The following PRKCZ variants were observed in gnomAD, a reference collection of about 807,000 sequenced individuals.
PRKCZ encodes the protein protein kinase C zeta type.
PRKCZ carries 33 observed loss-of-function variants against 79.5 expected under a neutral mutation model. The ratio of observed to expected loss-of-function variants is 0.41; its 90% CI spans 0.31 to 0.55. The LOEUF is 0.55. Ranked by LOEUF, PRKCZ falls within the 20% of genes least tolerant of loss-of-function variation. PRKCZ has a pLI of 0.19. For missense variants in PRKCZ, 578 were observed against 813.5 expected, an observed-to-expected ratio of 0.71 and a Z score of 3.52; for synonymous variants, 342 against 320.9, an observed-to-expected ratio of 1.07 and a Z score of -0.70.
At chr1:2,181,515 C>T (rs539716674) in intron 16 of PRKCZ, among the ~76,000 whole-genome samples, 22 of 152,196 alleles carry the variant, frequency 1.4e-4, no homozygotes, top group African/African-American at 3.6e-4. Flanking sequence ...CAGGGGGCGG[C>T]GGTGGGAAAA....
At chr1:2,161,873 C>G (rs773354010) in intron 10 of PRKCZ, among the ~76,000 whole-genome samples, 1 of 152,002 alleles carries the variant, frequency 6.6e-6, no homozygotes, top group Admixed American at 6.6e-5. Context: ...AAGGAACTTT[C>G]AGGACCGGTC....
At chr1:2,073,576 C>G (rs1259816765) in intron 4 of PRKCZ, 17 of 974,864 alleles carry the variant, frequency 1.7e-5, no homozygotes, top group Non-Finnish European at 2.1e-5. Context: ...CGCCCGCTCT[C>G]TGGACTGTGC....
At chr1:2,144,080 A>G in intron 5 of PRKCZ, 130 bp from the exon 6 acceptor site, 3 of 1,328,216 alleles carry the variant, frequency 2.3e-6, no homozygotes, top group Non-Finnish European at 3.0e-6. Context: ...GGAAGGGACA[A>G]GGTGCCGGGG....
intron 10 of PRKCZ, among the ~76,000 whole-genome samples, chr1:2,163,735 A>C (rs1011224100): frequency 1.6e-5 from 1 of 60,892 alleles, no homozygotes; most frequent in East Asian, 3.8e-4. Flanking sequence ...CTAAAAATAC[A>C]AAAAAAAAAA....
intron 5 of PRKCZ, chr1:2,143,932 T>A: frequency 2.7e-6 from 1 of 364,376 alleles, no homozygotes. Context: ...CAGCACCTCG[T>A]CACCCCTGCC....
At chr1:2,070,417 A>G (rs2803303) in intron 4 of PRKCZ, among the ~76,000 whole-genome samples, 76,251 of 152,028 alleles carry the variant, frequency 0.5, 23,673 homozygotes, top group East Asian at 0.95. Context: ...GTCTGGTGGG[A>G]CCCCTGGGGT....
intron 4 of PRKCZ, among the ~76,000 whole-genome samples, chr1:2,116,528 C>T (rs1203913036): frequency 6.6e-6 from 1 of 152,148 alleles, no homozygotes; most frequent in East Asian, 1.9e-4. Flanking sequence ...GGCTCGCCTT[C>T]CACTCCATGG....
chr1:2,131,835 A>G lies in PRKCZ; in HGVS notation c.335-3427A>G, dbSNP rs71630962. ...ACAAGATGTTGTTTTTGTTTTTGAG[A>G]GAGTCTCGCTCTGTCGCCCAGGCTG... On this transcript the variant is annotated intron_variant, in intron 4 of 17. Coordinates refer to ENST00000378567, the MANE Select transcript of PRKCZ (RefSeq NM_002744.6). Among the ~76,000 whole-genome samples, 684 of 152,316 alleles carry G rather than the reference A, an allele frequency of 4.5e-3. 3 individuals are homozygous for G. The highest frequency in any genetic ancestry group is 0.017 in the South Asian group (80 of 4,828).
Position 2,116,675 on chromosome 1 carries a change from C to T in PRKCZ, c.335-18587C>T, listed in dbSNP as rs753144415. On this transcript the variant is annotated intron_variant, in intron 4 of 17. Coordinates refer to ENST00000378567, the MANE Select transcript of PRKCZ (RefSeq NM_002744.6). ...CCCCCATGTCGTACTGTTCTGATTT[C>T]TTCTGCTTTATAATCACCATTGGTA... is the stretch of plus-strand genomic sequence containing the variant. 2.6e-5 allele frequency among the ~76,000 whole-genome samples: 4 copies of T among 152,254 alleles called. No homozygotes were observed. The East Asian group carries it at 7.7e-4, about 29-fold the overall frequency.
At chr1:2,096,195 G>T (rs1306679139) in intron 4 of PRKCZ, among the ~76,000 whole-genome samples, 1 of 151,940 alleles carries the variant, frequency 6.6e-6, no homozygotes, top group African/African-American at 2.4e-5. Context: ...TGGGTGGGTG[G>T]TGGTGGCTTC....
chr1:2,175,117 A>T (rs1289636718), intron 15 of PRKCZ, 107 bp from the exon 16 acceptor site: 9 of 949,392 alleles, frequency 9.5e-6, no homozygotes, highest in Non-Finnish European at 1.5e-5. Flanking sequence ...CCTGGGTCAG[A>T]GCATCGGGGG....
chr1:2,109,281 T>C (rs1669231013), intron 4 of PRKCZ, among the ~76,000 whole-genome samples: 1 of 151,742 alleles, frequency 6.6e-6, no homozygotes, highest in Non-Finnish European at 1.5e-5. Context: ...ATTCCTGGAG[T>C]GAGGGCAGCA....
chr1:2,103,537 A>T (rs1196087563), intron 4 of PRKCZ, among the ~76,000 whole-genome samples: 1 of 152,176 alleles, frequency 6.6e-6, no homozygotes, highest in East Asian at 1.9e-4. Context: ...AAGCTCCATC[A>T]GTCATGCAGT....
chr1:2,167,426 A>G (rs1683553664), intron 10 of PRKCZ, among the ~76,000 whole-genome samples: 1 of 152,034 alleles, frequency 6.6e-6, no homozygotes, highest in South Asian at 2.1e-4. Context: ...GCTTAAAGTT[A>G]GGATGAACCC....
rs1247170795 is a variant in PRKCZ at position 2,050,558 on chromosome 1, C to T, written c.-73C>T. On this transcript the variant is annotated 5_prime_UTR_variant, in exon 1 of 18. Coordinates refer to ENST00000378567, the MANE Select transcript of PRKCZ (RefSeq NM_002744.6). Reference sequence around the variant, plus strand: ...CCTTCCGCGTTCCGCCGCGGCCCCACCTGGAGCCCCCGCCCCGCGCCATGG... The same window carrying T: ...CCTTCCGCGTTCCGCCGCGGCCCCATCTGGAGCCCCCGCCCCGCGCCATGG... 1.2e-5 allele frequency: 12 copies of T among 1,014,152 alleles called. No individual in the cohort carries two copies. The highest frequency in any genetic ancestry group is 1.5e-5 in the Non-Finnish European group (12 of 795,852). The allele number at this position is 1,014,152 out of a possible 1,614,324, so 62.8% of individuals were successfully genotyped here.
intron 3 of PRKCZ, 146 bp from the exon 4 acceptor site, chr1:2,059,395 C>T (rs947307865): frequency 1.1e-6 from 1 of 946,164 alleles, no homozygotes; most frequent in Non-Finnish European, 1.6e-6. Context: ...TTTTGCGTCT[C>T]CCAGGAGCGG....
chr1:2,088,486 CGAGTCCTT>C (rs1664917567), intron 4 of PRKCZ, among the ~76,000 whole-genome samples: 1 of 152,204 alleles, frequency 6.6e-6, no homozygotes, highest in African/African-American at 2.4e-5. Context: ...TGAACGTCCT[CGAGTCCTT>C]GAGTGAAGAC....
Position 2,075,670 on chromosome 1 carries a change from T to C in PRKCZ, c.334+16079T>C, listed in dbSNP as rs1662269997. 6.6e-6 allele frequency among the ~76,000 whole-genome samples: 1 copy of C among 152,180 alleles called. No individual in the cohort carries two copies. The highest frequency in any genetic ancestry group is 2.1e-4 in the South Asian group (1 of 4,826). On this transcript the variant is annotated intron_variant, in intron 4 of 17. Coordinates refer to ENST00000378567, the MANE Select transcript of PRKCZ (RefSeq NM_002744.6). The surrounding 1 kb of genome is among the most constrained non-coding windows in gnomAD (Gnocchi z 4.8). ...CCAGACTCACCTCTGGGCTCCGGGC[T>C]CTGCTGCGATGTTTCCGAGGCTCCC... is the stretch of plus-strand genomic sequence containing the variant.
At chr1:2,053,803 TG>T (rs902613380) in intron 1 of PRKCZ, among the ~76,000 whole-genome samples, 29 of 152,186 alleles carry the variant, frequency 1.9e-4, no homozygotes, top group African/African-American at 7.0e-4. Flanking sequence ...GATGTCAGCT[TG>T]GGGCGACCCC....
Sources: allele counts gnomAD v4.1 joint callset (sites outside exome capture counted in the v4.1 genomes callset), GRCh38; gene constraint gnomAD v4.1.1; non-coding constraint Gnocchi (gnomAD v3.1); transcripts MANE v1.5; gene names NCBI Gene and HGNC (gene_info 2026-07-23, HGNC 2026-07-21).